The following ZFHX3 variants were observed in gnomAD, a reference collection of about 807,000 sequenced individuals.
The protein encoded by ZFHX3 is zinc finger homeobox protein 3.
In ZFHX3, 42 loss-of-function variants were observed where a neutral mutation model predicts 279.1. The observed-to-expected ratio is 0.15, with a 90% CI of 0.12 to 0.19. ZFHX3 has a LOEUF of 0.19. ZFHX3 is among the 10% of genes least tolerant of loss of function. The pLI is 1.00. For missense variants in ZFHX3, 4,981 were observed against 4,754.0 expected (o/e 1.05, Z -1.40); for synonymous variants, 2,293 against 1,957.8 (o/e 1.17, Z -4.52).
intron 1 of ZFHX3, among the ~76,000 whole-genome samples, chr16:73,800,397 A>T (rs1023215827): frequency 6.6e-6 from 1 of 151,936 alleles, no homozygotes. Flanking sequence ...TTGTATTTTT[A>T]GTAGAGACGG....
chr16:72,844,680 C>T (rs1457249936), intron 4 of ZFHX3, among the ~76,000 whole-genome samples: 1 of 152,118 alleles, frequency 6.6e-6, no homozygotes, highest in Non-Finnish European at 1.5e-5. Flanking sequence ...TGCACCGCAG[C>T]AGGACATTGG....
At chr16:73,512,602 T>C (rs2019452907) in intron 2 of ZFHX3, among the ~76,000 whole-genome samples, 1 of 152,088 alleles carries the variant, frequency 6.6e-6, no homozygotes, top group Non-Finnish European at 1.5e-5. Flanking sequence ...GCAAAGAATT[T>C]AATGGAAAAA....
chr16:73,512,110 G>A (rs148708400), intron 2 of ZFHX3, among the ~76,000 whole-genome samples: 43 of 151,974 alleles, frequency 2.8e-4, no homozygotes, highest in East Asian at 1.7e-3. Flanking sequence ...AGCCGGACAC[G>A]GGAAATGTGG....
rs1353571938 is a variant in ZFHX3, at chr16:72,959,886, G to C, written c.260C>G (p.Ser87Cys). Residue 87 changes from serine to cysteine, a missense_variant, in exon 2 of 10, where the codon TCC becomes TGC. By Grantham distance (112) the Ser-to-Cys change is moderately radical. Coordinates refer to ENST00000268489, the MANE Select transcript of ZFHX3 (RefSeq NM_006885.4). Reference sequence around the variant, plus strand: ...CATGTAGGTCTGGAGGCTGGCAAAGGAGGCCGAACATTCGTTGCAGGTGAC... The same window carrying C: ...CATGTAGGTCTGGAGGCTGGCAAAGCAGGCCGAACATTCGTTGCAGGTGAC... The part of the protein sequence containing the change: ...KEVTCNECSA[S>C]FASLQTYMEH... The C allele has an allele frequency of 6.2e-7, 1 of 1,603,182 alleles. No individual in the cohort carries two copies. The highest frequency in any genetic ancestry group is 8.5e-7 in the Non-Finnish European group (1 of 1,173,724).
chr16:73,804,535 C>T (rs770628393), intron 1 of ZFHX3, among the ~76,000 whole-genome samples: 22 of 152,102 alleles, frequency 1.4e-4, no homozygotes, highest in African/African-American at 3.1e-4. Flanking sequence ...AAGCTTTATC[C>T]GCACCTTTCT....
At chr16:73,567,966 C>T (rs1487226465) in intron 2 of ZFHX3, among the ~76,000 whole-genome samples, 2 of 152,016 alleles carry the variant, frequency 1.3e-5, no homozygotes, top group Non-Finnish European at 2.9e-5. Context: ...AAACAGAAAA[C>T]AAAGTACCAC....
intron 1 of ZFHX3, among the ~76,000 whole-genome samples, chr16:73,867,967 G>A (rs1962070543): frequency 6.6e-6 from 1 of 152,178 alleles, no homozygotes; most frequent in East Asian, 1.9e-4. Context: ...CGGCCAACCA[G>A]GCCATTCTCC....
At chr16:73,303,963 G>GGAAAAAAAAAAAAAAA (rs781722281) in intron 4 of ZFHX3, among the ~76,000 whole-genome samples, 1 of 76,122 alleles carries the variant, frequency 1.3e-5, no homozygotes, top group Non-Finnish European at 2.7e-5. Flanking sequence ...ACCCTAGGTG[G>GGAAAAAAAAAAAAAAA]AAAAAAAAAA....
At chr16:73,721,576 C>G (rs946381393) in intron 1 of ZFHX3, among the ~76,000 whole-genome samples, 1 of 152,170 alleles carries the variant, frequency 6.6e-6, no homozygotes, top group Non-Finnish European at 1.5e-5. Context: ...CACCCAAGCC[C>G]TCTTCCTAAC....
chr16:73,412,457 T>C (rs2017490234), intron 3 of ZFHX3, among the ~76,000 whole-genome samples: 1 of 152,128 alleles, frequency 6.6e-6, no homozygotes, highest in South Asian at 2.1e-4. Flanking sequence ...CAGTTTGTCA[T>C]GGCCATGTTC....
At chr16:73,269,863 C>T (rs993700637) in intron 4 of ZFHX3, among the ~76,000 whole-genome samples, 1 of 152,146 alleles carries the variant, frequency 6.6e-6, no homozygotes, top group Admixed American at 6.5e-5. Context: ...ATTCTCCTGC[C>T]TCAGTCTCCG....
intron 1 of ZFHX3, among the ~76,000 whole-genome samples, chr16:73,708,273 A>G (rs894461781): frequency 6.6e-6 from 1 of 152,216 alleles, no homozygotes; most frequent in African/African-American, 2.4e-5. Flanking sequence ...ACAATCATCT[A>G]TTTTTAGTTG....
chr16:72,939,449 C>T (rs1367014682), intron 3 of ZFHX3, among the ~76,000 whole-genome samples: 2 of 152,242 alleles, frequency 1.3e-5, no homozygotes, highest in Non-Finnish European at 2.9e-5. Flanking sequence ...CTGCCATAAA[C>T]ACAATCGGAG....
chr16:73,881,236 T>G (rs2030138203), intron 1 of ZFHX3, among the ~76,000 whole-genome samples: 1 of 152,138 alleles, frequency 6.6e-6, no homozygotes, highest in African/African-American at 2.4e-5. Context: ...GGAACCATTT[T>G]CACATAATGG....
At chr16:73,657,315 G>T (rs56398112) in intron 2 of ZFHX3, among the ~76,000 whole-genome samples, 32,840 of 152,110 alleles carry the variant, frequency 0.22, 3,640 homozygotes, top group South Asian at 0.23. Flanking sequence ...AAATTAGCCG[G>T]GCGTGGTGGT....
At chr16:73,393,267 T>C (rs2017057060) in intron 3 of ZFHX3, among the ~76,000 whole-genome samples, 2 of 152,188 alleles carry the variant, frequency 1.3e-5, no homozygotes, top group Non-Finnish European at 2.9e-5. Flanking sequence ...CAATTTAAGC[T>C]GAATATTTCT....
chr16:73,045,328 C>T (rs994596257), intron 1 of ZFHX3, among the ~76,000 whole-genome samples: 44 of 152,300 alleles, frequency 2.9e-4, no homozygotes, highest in African/African-American at 9.6e-4. Context: ...TGAGCCAGGC[C>T]GGTCCTGGGA....
chr16:72,816,508 T>G (rs1284865339), intron 5 of ZFHX3, among the ~76,000 whole-genome samples: 1 of 152,214 alleles, frequency 6.6e-6, no homozygotes, highest in African/African-American at 2.4e-5. Flanking sequence ...ACGTGAGCTA[T>G]GGATTCCATG....
intron 3 of ZFHX3, among the ~76,000 whole-genome samples, chr16:73,432,382 C>T (rs1270207449): frequency 6.6e-6 from 1 of 152,078 alleles, no homozygotes; most frequent in Non-Finnish European, 1.5e-5. Flanking sequence ...TTGAAACAGA[C>T]AATATAAAGC....
Sources: allele counts gnomAD v4.1 joint callset (sites outside exome capture counted in the v4.1 genomes callset), GRCh38; gene constraint gnomAD v4.1.1; transcripts MANE v1.5; gene names NCBI Gene and HGNC (gene_info 2026-07-23, HGNC 2026-07-21).